Variants in GRIP1 observed in about 807,000 individuals in gnomAD.
The protein encoded by GRIP1 is glutamate receptor-interacting protein 1.
Under a neutral mutation model 129.9 loss-of-function variants are expected in GRIP1, and 45 were observed. That is an observed-to-expected ratio of 0.35 (90% CI 0.27 to 0.44). The LOEUF (loss-of-function observed/expected upper bound fraction) is 0.44. Among genes scored for constraint, GRIP1 ranks in the 20% least tolerant of loss-of-function variants. GRIP1 has a pLI of 1.00. For missense variants in GRIP1, 1,196 were observed against 1,396.8 expected (o/e 0.86, Z 2.29); for synonymous variants, 530 against 520.8 (o/e 1.02, Z -0.24).
chr12:66,622,867 T>C (rs983412994), intron 1 of GRIP1, among the ~76,000 whole-genome samples: 1 of 152,166 alleles, frequency 6.6e-6, no homozygotes, highest in Admixed American at 6.6e-5. Context: ...TTCCACCTAC[T>C]ATTCATGCAG....
chr12:66,797,790 A>G (rs1447359075), intron 1 of GRIP1, among the ~76,000 whole-genome samples: 3 of 152,108 alleles, frequency 2.0e-5, no homozygotes, highest in African/African-American at 7.2e-5. Context: ...TTGATCCTTC[A>G]TGTCTGTCTC....
At chr12:66,783,123 C>T (rs1218570378) in intron 1 of GRIP1, among the ~76,000 whole-genome samples, 3 of 152,034 alleles carry the variant, frequency 2.0e-5, no homozygotes, top group African/African-American at 7.2e-5. Context: ...CTCTGCCTCC[C>T]GGGTTCAAGC....
Position 66,764,765 on chromosome 12 carries a change from G to A in GRIP1, c.-420+39288C>T, listed in dbSNP as rs143995391. On this transcript the variant is annotated intron_variant, in intron 1 of 4. Coordinates refer to the GRIP1 transcript ENST00000538373. The stretch of plus-strand genomic sequence containing the variant: ...TAACCAGCCATAAAGAATGTCACTT[G>A]CATTTGAGCAAAGCCCCCTATCTCT... Among the ~76,000 whole-genome samples, 624 of 151,454 alleles carry A rather than the reference G, an allele frequency of 4.1e-3. 2 individuals carry two copies. Among genetic ancestry groups the A allele is most frequent in the African/African-American group, 0.014 (601 of 41,498 alleles).
chr12:66,531,249 AAAAATATATAT>A (rs2061441649), intron 4 of GRIP1, among the ~76,000 whole-genome samples: 1 of 28,294 alleles, frequency 3.5e-5, no homozygotes, highest in Admixed American at 3.9e-4. Context: ...AAAAAAAAAA[AAAAATATATAT>A]ATATATATAT....
intron 1 of GRIP1, among the ~76,000 whole-genome samples, chr12:66,958,343 G>A (rs564420558): frequency 3.9e-5 from 6 of 152,112 alleles, no homozygotes; most frequent in Non-Finnish European, 8.8e-5. Flanking sequence ...GCGTGGGCCA[G>A]GCTGGTCTTG....
intron 1 of GRIP1, among the ~76,000 whole-genome samples, chr12:66,896,478 T>C (rs1379369846): frequency 1.6e-5 from 1 of 61,542 alleles, no homozygotes; most frequent in African/African-American, 5.2e-5. Context: ...TCTGAGGAAT[T>C]TGAAAAAAAA....
rs563532484 is a variant in GRIP1 at position 66,867,012 on chromosome 12, A to G, written c.58+202038T>C. On this transcript the variant is annotated intron_variant, in intron 1 of 1. Transcript: ENST00000643019. The stretch of plus-strand genomic sequence containing the variant: ...TTTTATTTATTTTTTATATCGAGAC[A>G]GACTCTCACTCTGTTGCCCAGGCTG... Among the ~76,000 whole-genome samples the G allele has an allele frequency of 1.3e-4, 20 of 152,288 alleles. No individual in the cohort carries two copies. In the Middle Eastern group the frequency reaches 0.01, roughly 78 times the overall value.
In GRIP1 at chr12:66,715,471, TGAGA is replaced by T. The variant is rs71447469; in HGVS notation, c.-419-85139_-419-85136del. ...AGCTTGATGTGTGTGTGTGTGTGTG[TGAGA>T]GAGAGAGAGAGAGAGAGAGAGAGAG... On this transcript the variant is annotated intron_variant, in intron 1 of 4. Coordinates refer to the GRIP1 transcript ENST00000538373. Among the ~76,000 whole-genome samples the T allele has an allele frequency of 6.3e-3, 690 of 110,012 alleles. 7 individuals are homozygous for T. Among genetic ancestry groups the T allele is most frequent in the East Asian group, 0.04 (158 of 3,936 alleles). 72.2% of individuals were successfully genotyped at this position (110,012 alleles called of 152,430 possible). A position where few individuals can be genotyped will look rare whatever the true frequency, so the allele number is the denominator to read the frequency against.
chr12:67,053,470 T>C (rs1358351351), intron 1 of GRIP1, among the ~76,000 whole-genome samples: 2 of 152,212 alleles, frequency 1.3e-5, no homozygotes, highest in East Asian at 3.8e-4. Context: ...ACAAAAATCA[T>C]ATGTCAGAAT....
chr12:66,881,396 T>C (rs1302862896), intron 1 of GRIP1, among the ~76,000 whole-genome samples: 2 of 152,200 alleles, frequency 1.3e-5, no homozygotes, highest in Non-Finnish European at 2.9e-5. Context: ...ATGATCTGAA[T>C]GCAAATTAAT....
intron 7 of GRIP1, among the ~76,000 whole-genome samples, chr12:66,504,198 T>C (rs140882798): frequency 4.3e-4 from 65 of 152,264 alleles, no homozygotes; most frequent in African/African-American, 1.4e-3. Flanking sequence ...ATATTTAGAT[T>C]TATTCTAAAT....
chr12:66,368,209 G>A (rs1450679186), intron 23 of GRIP1, among the ~76,000 whole-genome samples: 1 of 152,170 alleles, frequency 6.6e-6, no homozygotes, highest in Non-Finnish European at 1.5e-5. Flanking sequence ...GTATGGAGAT[G>A]ATGTTAGTAA....
At chr12:66,979,457 G>A (rs1239412038) in intron 1 of GRIP1, among the ~76,000 whole-genome samples, 1 of 151,798 alleles carries the variant, frequency 6.6e-6, no homozygotes, top group Admixed American at 6.6e-5. Flanking sequence ...CACTACAGCT[G>A]CTGTCTTCAC....
intron 7 of GRIP1, among the ~76,000 whole-genome samples, chr12:66,480,257 C>T (rs1257127826): frequency 2.0e-5 from 3 of 152,112 alleles, no homozygotes; most frequent in African/African-American, 7.2e-5. Context: ...AAATAACAAG[C>T]ATTCCTATAC....
chr12:66,575,413 A>T (rs2139546397), intron 2 of GRIP1, among the ~76,000 whole-genome samples: 1 of 152,362 alleles, frequency 6.6e-6, no homozygotes, highest in East Asian at 1.9e-4. Flanking sequence ...TTATATTCCT[A>T]TGAACAATTA....
intron 1 of GRIP1, among the ~76,000 whole-genome samples, chr12:66,622,362 T>C (rs1383484249): frequency 1.3e-5 from 2 of 152,042 alleles, no homozygotes; most frequent in African/African-American, 4.8e-5. Flanking sequence ...TAGTATTTGA[T>C]AGCACAACAG....
chr12:66,616,380 A>C (rs2065039525), intron 1 of GRIP1, among the ~76,000 whole-genome samples: 1 of 152,172 alleles, frequency 6.6e-6, no homozygotes, highest in African/African-American at 2.4e-5. Context: ...GCTGTTTAAA[A>C]AATGCTTAGT....
chr12:66,607,780 C>T (rs570682867), intron 1 of GRIP1, among the ~76,000 whole-genome samples: 1 of 152,122 alleles, frequency 6.6e-6, no homozygotes, highest in Non-Finnish European at 1.5e-5. Context: ...GAATTTTTTG[C>T]TAGACTTAAG....
At chr12:66,988,503 C>T (rs2042347602) in intron 1 of GRIP1, among the ~76,000 whole-genome samples, 1 of 152,132 alleles carries the variant, frequency 6.6e-6, no homozygotes, top group African/African-American at 2.4e-5. Context: ...CTTCAGCCTC[C>T]AGAGTAGCTA....
Sources: allele counts gnomAD v4.1 joint callset (sites outside exome capture counted in the v4.1 genomes callset), GRCh38; gene constraint gnomAD v4.1.1; transcripts MANE v1.5; gene names NCBI Gene and HGNC (gene_info 2026-07-23, HGNC 2026-07-21).